NDST3: variants seen among roughly 807,000 people sequenced by gnomAD.
NDST3 encodes the protein N-deacetylase and N-sulfotransferase 3.
In NDST3, 58 loss-of-function variants were observed where a neutral mutation model predicts 96.1. The observed-to-expected ratio is 0.60, with a 90% confidence interval of 0.49 to 0.75. The LOEUF (loss-of-function observed/expected upper bound fraction) is 0.75, where lower values mean the gene tolerates loss of function less well. NDST3 is among the 30% of genes least tolerant of loss of function. The probability of loss-of-function intolerance (pLI) is 0.00; values close to 1 mark genes in which losing one functional copy is unlikely to be tolerated. For missense variants in NDST3, 788 were observed against 1,034.2 expected (o/e 0.76, Z 3.27); for synonymous variants, 333 against 359.7 (o/e 0.93, Z 0.84).
chr4:118,039,691 G>C (rs554129930), intron 1 of NDST3, among the ~76,000 whole-genome samples: 1 of 152,230 alleles, frequency 6.6e-6, no homozygotes, highest in East Asian at 1.9e-4. Flanking sequence ...TATATACTTA[G>C]AACCATAGGA....
intron 1 of NDST3, among the ~76,000 whole-genome samples, chr4:118,044,193 C>G (rs1724623065): frequency 6.6e-6 from 1 of 152,114 alleles, no homozygotes; most frequent in Non-Finnish European, 1.5e-5. Flanking sequence ...TCAAAAACAC[C>G]TCACAGGTAA....
intron 12 of NDST3, among the ~76,000 whole-genome samples, chr4:118,251,284 G>A (rs1340631465): frequency 6.6e-5 from 10 of 150,702 alleles, no homozygotes; most frequent in Non-Finnish European, 1.3e-4. Flanking sequence ...CTGCCACCAC[G>A]CCCGGCTAAT....
intron 6 of NDST3, among the ~76,000 whole-genome samples, chr4:118,174,474 T>C (rs577807464): frequency 6.6e-6 from 1 of 152,268 alleles, no homozygotes; most frequent in South Asian, 2.1e-4. Context: ...TTTTGAAATA[T>C]ATATTTATAA....
chr4:118,208,178 T>C (rs1432985952), intron 6 of NDST3, among the ~76,000 whole-genome samples: 1 of 144,190 alleles, frequency 6.9e-6, no homozygotes, highest in African/African-American at 2.6e-5. Context: ...AATGTGAATC[T>C]ACCACTGCAA....
At chr4:118,105,154 T>C (rs765158362) in intron 3 of NDST3, 49 bp downstream of exon 3, 8 of 1,419,386 alleles carry the variant, frequency 5.6e-6, no homozygotes, top group Non-Finnish European at 6.0e-6. Context: ...CTGATCACTC[T>C]ATTTAAAATT....
At chr4:118,039,104 G>T (rs1056443804) in intron 1 of NDST3, among the ~76,000 whole-genome samples, 2 of 152,112 alleles carry the variant, frequency 1.3e-5, no homozygotes, top group South Asian at 4.1e-4. Context: ...GTTAATATTT[G>T]CTTGGTGGAG....
intron 6 of NDST3, among the ~76,000 whole-genome samples, chr4:118,171,279 G>A (rs558450477): frequency 2.6e-5 from 4 of 152,272 alleles, no homozygotes; most frequent in African/African-American, 9.6e-5. Flanking sequence ...ATTTGGGCCA[G>A]GAGAGGCAAT....
At chr4:118,046,288 A>C (rs920107692) in intron 1 of NDST3, among the ~76,000 whole-genome samples, 2 of 152,142 alleles carry the variant, frequency 1.3e-5, no homozygotes, top group Non-Finnish European at 1.5e-5. Context: ...TGACAAGGGG[A>C]TCTGATTGGA....
chr4:118,159,345 C>T (rs1371287241), intron 6 of NDST3, among the ~76,000 whole-genome samples: 5 of 152,120 alleles, frequency 3.3e-5, no homozygotes, highest in South Asian at 2.1e-4. Flanking sequence ...ACCAGTAAAT[C>T]CCTCTAATTG....
chr4:118,052,342 T>A (rs1322286792), intron 1 of NDST3, among the ~76,000 whole-genome samples: 2 of 151,966 alleles, frequency 1.3e-5, no homozygotes. Context: ...TGAGCACACA[T>A]GGACATATAC....
At chr4:118,061,163 C>T (rs1725864131) in intron 2 of NDST3, among the ~76,000 whole-genome samples, 1 of 152,126 alleles carries the variant, frequency 6.6e-6, no homozygotes, top group Non-Finnish European at 1.5e-5. Flanking sequence ...TGCAGCCTCT[C>T]TAGTATCTTT....
At chr4:118,219,088 A>G (rs1225175679) in intron 6 of NDST3, among the ~76,000 whole-genome samples, 1 of 152,186 alleles carries the variant, frequency 6.6e-6, no homozygotes. Flanking sequence ...AGGAAGAATC[A>G]ATATCATTAA....
chr4:118,228,740 A>G (rs1018668818), intron 8 of NDST3, among the ~76,000 whole-genome samples: 1 of 152,114 alleles, frequency 6.6e-6, no homozygotes, highest in Non-Finnish European at 1.5e-5. Flanking sequence ...TTTGCAGTCT[A>G]TCCCCCCCGA....
At chr4:118,046,237 C>A (rs1465478348) in intron 1 of NDST3, among the ~76,000 whole-genome samples, 1 of 152,148 alleles carries the variant, frequency 6.6e-6, no homozygotes, top group Non-Finnish European at 1.5e-5. Context: ...CCTATGGGAT[C>A]CTGGCTTAGA....
rs1735115618 is a variant in NDST3, at chr4:118,161,368, C to T, written c.1539+17684C>T. Among the ~76,000 whole-genome samples, 4 of 152,222 alleles carry T rather than the reference C, an allele frequency of 2.6e-5. 1 individual carries two copies. The highest frequency in any genetic ancestry group is 2.6e-4 in the Admixed American group (4 of 15,286). On this transcript the variant is annotated intron_variant, in intron 6 of 13. Coordinates refer to ENST00000296499, the MANE Select transcript of NDST3 (RefSeq NM_004784.3). Reference sequence around the variant, plus strand: ...AGTCTACCCATTCTCAGATATCCAGCTGTGTGCTGGGAGAACCACTGCTCT... The same window carrying T: ...AGTCTACCCATTCTCAGATATCCAGTTGTGTGCTGGGAGAACCACTGCTCT...
intron 6 of NDST3, among the ~76,000 whole-genome samples, chr4:118,162,388 G>A (rs1332227904): frequency 6.6e-6 from 1 of 152,126 alleles, no homozygotes. Flanking sequence ...CATGGTACTG[G>A]TACCAAAACA....
chr4:118,179,245 A>G (rs1736452327), intron 6 of NDST3, among the ~76,000 whole-genome samples: 1 of 152,050 alleles, frequency 6.6e-6, no homozygotes, highest in African/African-American at 2.4e-5. Flanking sequence ...GGCAGTCAGT[A>G]TATTTGCTTG....
intron 2 of NDST3, among the ~76,000 whole-genome samples, chr4:118,079,746 T>G (rs1012056837): frequency 2.6e-5 from 4 of 152,150 alleles, no homozygotes; most frequent in African/African-American, 9.7e-5. Flanking sequence ...GAGAATGGAC[T>G]GTAGAAAAAT....
intron 6 of NDST3, among the ~76,000 whole-genome samples, chr4:118,156,860 A>G (rs1236164935): frequency 6.6e-6 from 1 of 152,232 alleles, no homozygotes; most frequent in African/African-American, 2.4e-5. Flanking sequence ...AGCAAATGGT[A>G]CAACCCTAAT....
Sources: gnomAD v4.1 joint callset for allele counts (sites outside exome capture counted in the v4.1 genomes callset) on GRCh38, gnomAD v4.1.1 for gene constraint, MANE v1.5 for transcripts, NCBI Gene and HGNC (gene_info 2026-07-23, HGNC 2026-07-21) for gene names.